The following CATSPERT variants were observed in gnomAD, a reference collection of about 807,000 sequenced individuals.
CATSPERT encodes cation channel sperm-associated targeting subunit tau.
the CATSPERT span, chr2:201,582,001 AC>A: frequency 6.9e-7 from 1 of 1,445,694 alleles, no homozygotes; most frequent in Non-Finnish European, 9.3e-7. Context: ...CAGATAATAA[AC>A]AAAAAAAGCC....
At chr2:201,541,895 C>A in the CATSPERT span, among the ~76,000 whole-genome samples, 2 of 151,842 alleles carry the variant, frequency 1.3e-5, no homozygotes, top group Admixed American at 6.6e-5. Context: ...TGTGCCTGGC[C>A]TCTCTATTTT....
At chr2:201,522,568 A>C in the CATSPERT span, among the ~76,000 whole-genome samples, 17 of 152,132 alleles carry the variant, frequency 1.1e-4, no homozygotes, top group Admixed American at 7.9e-4. Context: ...CTTCTAAGGA[A>C]AGGGTAGGTT....
At chr2:201,573,084 T>C in the CATSPERT span, among the ~76,000 whole-genome samples, 1 of 152,332 alleles carries the variant, frequency 6.6e-6, no homozygotes, top group South Asian at 2.1e-4. Context: ...CACCCAGGAA[T>C]ATTAAGAGTT....
At chr2:201,583,835 C>A in the CATSPERT span, among the ~76,000 whole-genome samples, 2 of 152,088 alleles carry the variant, frequency 1.3e-5, no homozygotes, top group Non-Finnish European at 2.9e-5. Flanking sequence ...TTTTAAAGAG[C>A]TATGTTTACT....
At chr2:201,553,172 G>T in the CATSPERT span, 2 of 152,088 alleles carry the variant, frequency 1.3e-5, no homozygotes, top group African/African-American at 4.8e-5. Flanking sequence ...GAACTGGGAG[G>T]TTGCTGACCA....
chr2:201,601,879 AACTG>A, the CATSPERT span: 3 of 1,583,664 alleles, frequency 1.9e-6, no homozygotes, highest in South Asian at 1.1e-5. Context: ...TAATGTTGTA[AACTG>A]ACTGAAAATA....
At chr2:201,604,720 T>C in the CATSPERT span, 1 of 1,533,046 alleles carries the variant, frequency 6.5e-7, no homozygotes, top group Non-Finnish European at 8.8e-7. Context: ...TAAATTAAGA[T>C]TTGGGAAGAG....
the CATSPERT span, among the ~76,000 whole-genome samples, chr2:201,597,782 A>G: frequency 6.6e-6 from 1 of 152,320 alleles, no homozygotes; most frequent in Admixed American, 6.5e-5. Context: ...GGCCAGAACC[A>G]GAAATCCACT....
At chr2:201,561,028 G>T in the CATSPERT span, among the ~76,000 whole-genome samples, 1 of 152,166 alleles carries the variant, frequency 6.6e-6, no homozygotes, top group East Asian at 1.9e-4. Context: ...TGATCGGCCC[G>T]CCTCGGCCTC....
chr2:201,572,651 C>T, the CATSPERT span, among the ~76,000 whole-genome samples: 3 of 151,952 alleles, frequency 2.0e-5, no homozygotes, highest in African/African-American at 4.8e-5. Context: ...GGAGTTGGTG[C>T]TCATAAGCTA....
At chr2:201,501,930 G>C in the CATSPERT span, among the ~76,000 whole-genome samples, 1 of 152,296 alleles carries the variant, frequency 6.6e-6, no homozygotes, top group Non-Finnish European at 1.5e-5. Context: ...TTAGTCCCCA[G>C]ATAGCTTTTA....
chr2:201,533,957 T>A, the CATSPERT span, among the ~76,000 whole-genome samples: 2 of 152,006 alleles, frequency 1.3e-5, no homozygotes, highest in Non-Finnish European at 2.9e-5. Context: ...TTAGAGAGAT[T>A]ACATAGAAAG....
chr2:201,586,716 A>G, the CATSPERT span, among the ~76,000 whole-genome samples: 3 of 150,674 alleles, frequency 2.0e-5, no homozygotes, highest in African/African-American at 7.3e-5. Flanking sequence ...ATTTATACCT[A>G]TATTCCAAAT....
the CATSPERT span, among the ~76,000 whole-genome samples, chr2:201,563,459 C>CA: frequency 5.7e-4 from 3 of 5,224 alleles, no homozygotes; most frequent in Non-Finnish European, 7.3e-4. Flanking sequence ...GCTGGCCGGG[C>CA]GGGGGGCTGA....
At chr2:201,592,054 G>A in the CATSPERT span, among the ~76,000 whole-genome samples, 1 of 152,040 alleles carries the variant, frequency 6.6e-6, no homozygotes, top group African/African-American at 2.4e-5. Context: ...GGGCAACCCT[G>A]TCTTGTGCCA....
At chr2:201,498,813 C>T in the CATSPERT span, among the ~76,000 whole-genome samples, 1 of 152,146 alleles carries the variant, frequency 6.6e-6, no homozygotes, top group Non-Finnish European at 1.5e-5. Context: ...TGTCTTTTCC[C>T]AGTCACTCTC....
chr2:201,603,197 T>G, the CATSPERT span: 3 of 1,597,578 alleles, frequency 1.9e-6, no homozygotes, highest in Non-Finnish European at 2.6e-6. Context: ...ATAATTACTA[T>G]GATTCTTAAA....
chr2:201,539,742 C>T, the CATSPERT span, among the ~76,000 whole-genome samples: 23 of 151,916 alleles, frequency 1.5e-4, no homozygotes, highest in African/African-American at 5.6e-4. Flanking sequence ...AGAGACACAA[C>T]AATATTGAAA....
chr2:201,540,507 T>C, the CATSPERT span, among the ~76,000 whole-genome samples: 4 of 152,222 alleles, frequency 2.6e-5, no homozygotes, highest in South Asian at 2.1e-4. Context: ...TTAACATTTA[T>C]GTCAAGTGTA....
Sources: allele counts gnomAD v4.1 joint callset (sites outside exome capture counted in the v4.1 genomes callset), GRCh38; gene constraint gnomAD v4.1.1; transcripts MANE v1.5; gene names NCBI Gene and HGNC (gene_info 2026-07-23, HGNC 2026-07-21).